HS3ST4: variants seen among roughly 807,000 people sequenced by gnomAD.
HS3ST4 encodes heparan sulfate-glucosamine 3-sulfotransferase 4.
A neutral mutation model predicts 29.2 loss-of-function variants in HS3ST4; 17 were observed. That is an observed-to-expected ratio of 0.58 (90% CI 0.40 to 0.87). The LOEUF is 0.87. Among genes scored for constraint, HS3ST4 ranks in the 40% least tolerant of loss-of-function variants. The probability of loss-of-function intolerance (pLI) is 0.00; values close to 1 mark genes in which losing one functional copy is unlikely to be tolerated. For synonymous variants in HS3ST4, 314 were observed against 285.7 expected (o/e 1.10, Z -1.00); for missense variants, 627 against 634.5 (o/e 0.99, Z 0.13).
intron 1 of HS3ST4, among the ~76,000 whole-genome samples, chr16:25,732,534 G>C (rs117098885): frequency 6.6e-6 from 1 of 152,058 alleles, no homozygotes; most frequent in African/African-American, 2.4e-5. Flanking sequence ...GTGACACCCC[G>C]TCACCTTCAG....
intron 1 of HS3ST4, among the ~76,000 whole-genome samples, chr16:25,738,342 C>A (rs1274834893): frequency 3.3e-5 from 5 of 152,306 alleles, no homozygotes; most frequent in Middle Eastern, 3.4e-3. Context: ...CCCCATCACT[C>A]CTTACATGCC....
intron 1 of HS3ST4, among the ~76,000 whole-genome samples, chr16:25,720,771 C>A (rs917321570): frequency 1.3e-5 from 2 of 152,188 alleles, no homozygotes; most frequent in Non-Finnish European, 2.9e-5. Flanking sequence ...TATGGCTGGA[C>A]AGCTGGAAGA....
chr16:26,009,796 CAAT>C (rs1199550927), intron 1 of HS3ST4, among the ~76,000 whole-genome samples: 1 of 152,214 alleles, frequency 6.6e-6, no homozygotes, highest in African/African-American at 2.4e-5. Flanking sequence ...CGCCTAACCT[CAAT>C]GGAGCTGGAA....
intron 1 of HS3ST4, among the ~76,000 whole-genome samples, chr16:25,999,897 T>TTATATATATTATATATATATTTTTATA (rs1555477425): frequency 3.3e-4 from 43 of 131,856 alleles, no homozygotes; most frequent in South Asian, 6.7e-4. Context: ...TATATATATT[T>TTATATATATTATATATATATTTTTATA]TATATATATA....
intron 1 of HS3ST4, among the ~76,000 whole-genome samples, chr16:26,116,751 A>G (rs530347452): frequency 5.3e-5 from 8 of 152,322 alleles, no homozygotes; most frequent in African/African-American, 1.2e-4. Context: ...CCATTCATCC[A>G]TCTACTTATT....
intron 1 of HS3ST4, among the ~76,000 whole-genome samples, chr16:25,899,444 A>G (rs13336538): frequency 0.29 from 44,607 of 152,108 alleles, 6,810 homozygotes; most frequent in African/African-American, 0.39. Flanking sequence ...GGAAGGGCCT[A>G]TGACCCAGTT....
At chr16:25,933,262 A>T (rs1285570430) in intron 1 of HS3ST4, 1 of 447,964 alleles carries the variant, frequency 2.2e-6, no homozygotes, top group African/African-American at 2.0e-5. Context: ...CACCACAGCC[A>T]TTATTGATTG....
intron 1 of HS3ST4, among the ~76,000 whole-genome samples, chr16:25,758,396 A>G (rs540020648): frequency 2.0e-5 from 3 of 152,196 alleles, no homozygotes; most frequent in East Asian, 3.9e-4. Flanking sequence ...GTTTTAACCC[A>G]TTGTCAGGAC....
chr16:25,935,052 A>G (rs1377644050), intron 1 of HS3ST4, among the ~76,000 whole-genome samples: 2 of 152,038 alleles, frequency 1.3e-5, no homozygotes, highest in Admixed American at 6.6e-5. Flanking sequence ...TAGTTTTATA[A>G]GTGTCTGGCA....
At chr16:25,834,959 A>C (rs1362080121) in intron 1 of HS3ST4, among the ~76,000 whole-genome samples, 1 of 152,106 alleles carries the variant, frequency 6.6e-6, no homozygotes, top group Non-Finnish European at 1.5e-5. Flanking sequence ...AAAAACCACA[A>C]AACACAAAAA....
intron 1 of HS3ST4, among the ~76,000 whole-genome samples, chr16:26,026,723 G>A (rs1009929880): frequency 2.6e-5 from 4 of 152,084 alleles, no homozygotes; most frequent in Admixed American, 1.3e-4. Context: ...GTCCAGCCCC[G>A]CATGAAACAC....
In HS3ST4 at chr16:26,073,532, G is replaced by A. The variant is rs147466504; in HGVS notation, c.735-62080G>A. The stretch of plus-strand genomic sequence containing the variant: ...TGGGACTACAGGTGTGCCATCATGC[G>A]TGGCTAATTTTTTGTATTTTTGTAG... On this transcript the variant is annotated intron_variant, in intron 1 of 1. Coordinates refer to ENST00000331351, the MANE Select transcript of HS3ST4 (RefSeq NM_006040.3). Among the ~76,000 whole-genome samples, 742 of 152,070 alleles carry A rather than the reference G, an allele frequency of 4.9e-3. 8 individuals are homozygous for A. The highest frequency in any genetic ancestry group is 0.017 in the African/African-American group (691 of 41,482).
chr16:25,999,815 T>C (rs1969191682), intron 1 of HS3ST4, among the ~76,000 whole-genome samples: 1 of 133,226 alleles, frequency 7.5e-6, no homozygotes, highest in African/African-American at 2.7e-5. Flanking sequence ...ATGTATATTT[T>C]ATATATATAT....
intron 1 of HS3ST4, among the ~76,000 whole-genome samples, chr16:25,709,713 A>G (rs1429805766): frequency 6.6e-6 from 1 of 152,040 alleles, no homozygotes; most frequent in East Asian, 1.9e-4. Flanking sequence ...AGAAGAAGAG[A>G]GAGAGGGAGG....
chr16:25,767,968 T>A (rs1966831949), intron 1 of HS3ST4, among the ~76,000 whole-genome samples: 1 of 151,950 alleles, frequency 6.6e-6, no homozygotes, highest in Admixed American at 6.6e-5. Context: ...ACGAGTAGAG[T>A]CACATCTTTT....
intron 1 of HS3ST4, among the ~76,000 whole-genome samples, chr16:25,792,846 A>G (rs1966872402): frequency 6.6e-6 from 1 of 151,606 alleles, no homozygotes; most frequent in South Asian, 2.1e-4. Context: ...TTTTTAGTGT[A>G]TTTAGCTGTT....
chr16:25,728,070 C>T lies in HS3ST4; in HGVS notation c.734+34919C>T, dbSNP rs188585044. On this transcript the variant is annotated intron_variant, in intron 1 of 1. Coordinates refer to ENST00000331351, the MANE Select transcript of HS3ST4 (RefSeq NM_006040.3). ...AGGGTAGAGTGCAGTGGTGCCATCT[C>T]GGCTCACTGCAACCTTCGACTCCCT... is the stretch of plus-strand genomic sequence containing the variant. Among the ~76,000 whole-genome samples the T allele has an allele frequency of 4.7e-3, 717 of 152,264 alleles. 2 individuals carry two copies. Among genetic ancestry groups the T allele is most frequent in the African/African-American group, 0.016 (668 of 41,550 alleles).
At chr16:26,099,112 AG>A (rs1199956962) in intron 1 of HS3ST4, among the ~76,000 whole-genome samples, 3 of 152,202 alleles carry the variant, frequency 2.0e-5, no homozygotes, top group Non-Finnish European at 2.9e-5. Flanking sequence ...AGAGGCTCAC[AG>A]TAGTTAAATA....
intron 1 of HS3ST4, among the ~76,000 whole-genome samples, chr16:25,726,177 G>A (rs1333675133): frequency 6.6e-6 from 1 of 152,188 alleles, no homozygotes; most frequent in African/African-American, 2.4e-5. Context: ...TATTGGTTGT[G>A]TAGTGTTCAT....
Sources: gnomAD v4.1 joint callset for allele counts (sites outside exome capture counted in the v4.1 genomes callset) on GRCh38, gnomAD v4.1.1 for gene constraint, MANE v1.5 for transcripts, NCBI Gene and HGNC (gene_info 2026-07-23, HGNC 2026-07-21) for gene names.